The following GLDC variants were observed in gnomAD, a reference collection of about 807,000 sequenced individuals.
GLDC encodes glycine decarboxylase, also known as glycine dehydrogenase (decarboxylating), mitochondrial.
GLDC carries 104 observed loss-of-function variants against 121.3 expected under a neutral mutation model. That is an observed-to-expected ratio of 0.86 (90% CI 0.73 to 1.01). GLDC has a LOEUF of 1.01. GLDC is among the 50% of genes least tolerant of loss of function. GLDC has a pLI of 0.00. For synonymous variants in GLDC, 546 were observed against 480.6 expected, an observed-to-expected ratio of 1.14 and a Z score of -1.78; for missense variants, 1,429 against 1,306.6, an observed-to-expected ratio of 1.09 and a Z score of -1.44.
At chr9:6,600,091 G>C (rs1387683707) in intron 8 of GLDC, among the ~76,000 whole-genome samples, 2 of 152,180 alleles carry the variant, frequency 1.3e-5, no homozygotes, top group African/African-American at 4.8e-5. Context: ...CAGTGGCCAG[G>C]CACGGTGGCT....
chr9:6,597,098 T>C (rs113567654), intron 8 of GLDC, among the ~76,000 whole-genome samples: 47 of 152,328 alleles, frequency 3.1e-4, no homozygotes, highest in African/African-American at 1.1e-3. Context: ...GAAAACCTTA[T>C]GCAAAGAAGC....
At position 6,538,480 on chromosome 9, in the gene GLDC, A is replaced by G. The variant is rs116374529; in HGVS notation, c.2665+1571T>C. 8.9e-3 allele frequency among the ~76,000 whole-genome samples: 1,353 copies of G among 152,352 alleles called. 13 individuals are homozygous for G. Among genetic ancestry groups the G allele is most frequent in the African/African-American group, 0.031 (1,284 of 41,578 alleles). On this transcript the variant is annotated intron_variant, in intron 22 of 24. Transcript: ENST00000321612. ...ATTCACATTCAGCGGTTATGCTTTA[A>G]GACCTGGAAACTGTGTTGTCATGTT...
At position 6,535,869 on chromosome 9, in the gene GLDC, T is replaced by C. The variant is rs761012896; in HGVS notation, c.2838+195A>G. On this transcript the variant is annotated intron_variant, in intron 23 of 24. Coordinates refer to ENST00000321612, the MANE Select transcript of GLDC (RefSeq NM_000170.3). ...GCTGTGGACAGCTTCCACAACCACA[T>C]CATCCTTGAGTAACTGCTATGCTGT... is the stretch of plus-strand genomic sequence containing the variant. 4.9e-6 allele frequency: 3 copies of C among 616,510 alleles called. No homozygotes were observed. In the African/African-American group the frequency reaches 5.4e-5, roughly 11 times the overall value. 38.2% of individuals were successfully genotyped at this position (616,510 alleles called of 1,614,324 possible). A position where few individuals can be genotyped will look rare whatever the true frequency, so the allele number is the denominator to read the frequency against.
intron 3 of GLDC, among the ~76,000 whole-genome samples, chr9:6,619,293 A>G (rs1819032294): frequency 6.6e-6 from 1 of 151,860 alleles, no homozygotes; most frequent in Non-Finnish European, 1.5e-5. Flanking sequence ...CAGAATGCAC[A>G]TGTTCTCTTT....
intron 3 of GLDC, among the ~76,000 whole-genome samples, chr9:6,619,296 TTC>T (rs2129945592): frequency 6.6e-6 from 1 of 152,282 alleles, no homozygotes; most frequent in South Asian, 2.1e-4. Context: ...AATGCACATG[TTC>T]TCTTTCTCTA....
chr9:6,572,065 A>C (rs1817979569), intron 15 of GLDC, among the ~76,000 whole-genome samples: 1 of 152,220 alleles, frequency 6.6e-6, no homozygotes, highest in Admixed American at 6.5e-5. Context: ...CTTAAATGTA[A>C]AACATAAAAC....
intron 2 of GLDC, among the ~76,000 whole-genome samples, chr9:6,636,284 A>T (rs1472256357): frequency 6.6e-6 from 1 of 151,536 alleles, no homozygotes. Context: ...AGCCTGGGTG[A>T]CATAGTGAGA....
At chr9:6,585,055 T>G (rs974342758) in intron 15 of GLDC, 1 of 152,322 alleles carries the variant, frequency 6.6e-6, no homozygotes. Flanking sequence ...GTCCCTTCCC[T>G]CACCCCAGTC....
At chr9:6,571,392 A>T (rs768816225) in intron 15 of GLDC, among the ~76,000 whole-genome samples, 7 of 152,226 alleles carry the variant, frequency 4.6e-5, no homozygotes, top group Non-Finnish European at 1.0e-4. Context: ...GATTAACAAC[A>T]ATAACTAAGA....
chr9:6,602,093 C>G lies in GLDC; in HGVS notation c.1155+16G>C, dbSNP rs1370343582. 4 of 1,455,472 alleles carry G rather than the reference C, an allele frequency of 2.7e-6. No individual in the cohort carries two copies. Among genetic ancestry groups the G allele is most frequent in the East Asian group, 2.3e-5 (1 of 44,206 alleles). The allele number at this position is 1,455,472 out of a possible 1,614,324, so 90.2% of individuals were successfully genotyped here. A position where few individuals can be genotyped will look rare whatever the true frequency, so the allele number is the denominator to read the frequency against. ...ATCGTAAGGCATTCAGTAGTCAGGT[C>G]AGACGTGTGATTTACCTGAGCTGTA... On this transcript the variant is annotated intron_variant, in intron 8 of 24. Transcript: ENST00000321612.
chr9:6,587,471 A>T (rs1396934625), intron 14 of GLDC, among the ~76,000 whole-genome samples, 188 bp from the exon 15 acceptor site: 2 of 152,206 alleles, frequency 1.3e-5, no homozygotes, highest in Non-Finnish European at 2.9e-5. Context: ...TCTTCATTTA[A>T]AAGTGGGACA....
chr9:6,620,076 G>A (rs754850755), intron 3 of GLDC, 108 bp downstream of exon 3: 18 of 1,032,510 alleles, frequency 1.7e-5, no homozygotes, highest in Non-Finnish European at 2.6e-5. Flanking sequence ...ACAGCACTAG[G>A]AGGTGGGTGT....
Position 6,588,342 on chromosome 9 carries a change from G to A in GLDC, c.1707+59C>T, listed in dbSNP as rs1041807754. ...GTAGATTTCACTAGTTCTGGGCTTAGGTGGAAGCTAGAACACTGCCCCTTG... is the reference window on the plus strand; with the variant it reads ...GTAGATTTCACTAGTTCTGGGCTTAAGTGGAAGCTAGAACACTGCCCCTTG... On this transcript the variant is annotated intron_variant, in intron 14 of 24. Coordinates refer to ENST00000321612, the MANE Select transcript of GLDC (RefSeq NM_000170.3). 2.2e-5 allele frequency: 26 copies of A among 1,155,860 alleles called. No homozygotes were observed. In the African/African-American group the frequency reaches 3.0e-4, roughly 13 times the overall value. 71.6% of individuals were successfully genotyped at this position (1,155,860 alleles called of 1,614,324 possible).
intron 15 of GLDC, among the ~76,000 whole-genome samples, chr9:6,580,810 T>C (rs1199033336): frequency 6.6e-6 from 1 of 152,252 alleles, no homozygotes; most frequent in Non-Finnish European, 1.5e-5. Flanking sequence ...CCACTCAGGC[T>C]GCCATCTTCC....
In GLDC at chr9:6,607,594, A is replaced by G. The variant is rs546639848; in HGVS notation, c.636-925T>C. 5.3e-5 allele frequency among the ~76,000 whole-genome samples: 8 copies of G among 152,094 alleles called. No homozygotes were observed. In the South Asian group the frequency reaches 1.7e-3, roughly 32 times the overall value. On this transcript the variant is annotated intron_variant, in intron 4 of 24. Transcript: ENST00000321612. ...GAGACTCTGTCTTAAATAAATAAAT[A>G]CATACATACATAAATTAATAAATAA...
chr9:6,597,384 C>A (rs1587954538), intron 8 of GLDC, among the ~76,000 whole-genome samples: 1 of 152,032 alleles, frequency 6.6e-6, no homozygotes, highest in East Asian at 1.9e-4. Flanking sequence ...AGTTACATCT[C>A]AATAAAAAAA....
chr9:6,580,676 C>T (rs184919161), intron 15 of GLDC, among the ~76,000 whole-genome samples: 106 of 152,234 alleles, frequency 7.0e-4, no homozygotes, highest in African/African-American at 2.6e-3. Flanking sequence ...ATAAATAAAG[C>T]CCTTCTTTTC....
chr9:6,625,372 G>GA (rs1819213971), intron 2 of GLDC, among the ~76,000 whole-genome samples: 1 of 152,182 alleles, frequency 6.6e-6, no homozygotes, highest in African/African-American at 2.4e-5. Flanking sequence ...CTCAATGGCT[G>GA]ACTTTATTTG....
chr9:6,537,248 A>G (rs1817147768), intron 22 of GLDC, among the ~76,000 whole-genome samples: 1 of 152,044 alleles, frequency 6.6e-6, no homozygotes, highest in South Asian at 2.1e-4. Context: ...CGGGCTACCG[A>G]GCTCAAGCGA....
Sources: gnomAD v4.1 joint callset for allele counts (sites outside exome capture counted in the v4.1 genomes callset) on GRCh38, gnomAD v4.1.1 for gene constraint, MANE v1.5 for transcripts, NCBI Gene and HGNC (gene_info 2026-07-23, HGNC 2026-07-21) for gene names.